UNC80: variants seen among roughly 807,000 people sequenced by gnomAD.
UNC80 encodes protein unc-80 homolog.
Under a neutral mutation model 384.6 loss-of-function variants are expected in UNC80, and 164 were observed. That is an observed-to-expected ratio of 0.43 (90% CI 0.38 to 0.49). The LOEUF is 0.49. Ranked by LOEUF, UNC80 falls within the 20% of genes least tolerant of loss-of-function variation. The pLI, the probability that UNC80 is intolerant of heterozygous loss-of-function variation, is 0.00. For synonymous variants in UNC80, 1,486 were observed against 1,527.8 expected (o/e 0.97, Z 0.64); for missense variants, 3,330 against 4,143.0 (o/e 0.80, Z 5.39).
chr2:209,984,998 T>G (rs904435329), intron 61 of UNC80, 86 bp downstream of exon 61: 1 of 1,205,474 alleles, frequency 8.3e-7, no homozygotes, highest in Non-Finnish European at 1.2e-6. Flanking sequence ...GTCTTCTCTG[T>G]CTCTTCTCGC....
intron 13 of UNC80, among the ~76,000 whole-genome samples, chr2:209,824,663 T>G (rs1301239152): frequency 6.6e-6 from 1 of 151,956 alleles, no homozygotes; most frequent in Non-Finnish European, 1.5e-5. Context: ...AATGCTGCAG[T>G]GCCAAGGGGA....
intron 61 of UNC80, 78 bp downstream of exon 61, chr2:209,984,990 C>T: frequency 7.9e-7 from 1 of 1,264,702 alleles, no homozygotes; most frequent in Non-Finnish European, 1.1e-6. Context: ...GTCTCTCTGT[C>T]TTCTCTGTCT....
Position 209,835,116 on chromosome 2 carries a change from T to C in UNC80, c.3041+106T>C, listed in dbSNP as rs551475763. 121 of 895,114 alleles carry C rather than the reference T, an allele frequency of 1.4e-4. No homozygotes were observed. In the African/African-American group the frequency reaches 2.0e-3, roughly 14 times the overall value. 55.4% of individuals were successfully genotyped at this position (895,114 alleles called of 1,614,324 possible). A position where few individuals can be genotyped will look rare whatever the true frequency, so the allele number is the denominator to read the frequency against. ...TTGTTTGTTTTTCATCTCCTTTGAA[T>C]TTTGCCTTGTTTCTACCCTTTACAT... On this transcript the variant is annotated intron_variant, in intron 18 of 64. Coordinates refer to ENST00000673920, the MANE Select transcript of UNC80 (RefSeq NM_001371986.1).
At chr2:209,993,515 A>C (rs2093429551) in intron 63 of UNC80, 89 bp downstream of exon 63, 1 of 1,069,526 alleles carries the variant, frequency 9.3e-7, no homozygotes, top group Admixed American at 2.2e-5. Context: ...AAGCTGATGG[A>C]GATAAGCACA....
chr2:209,775,912 A>G lies in UNC80; in HGVS notation c.165A>G (p.Glu55=). 6.2e-7 allele frequency: 1 copy of G among 1,614,096 alleles called. No individual in the cohort carries two copies. Among genetic ancestry groups the G allele is most frequent in the Non-Finnish European group, 8.5e-7 (1 of 1,180,018 alleles). Residue 55 remains glutamate, a synonymous_variant, in exon 3 of 65, where the codon GAA becomes GAG. Coordinates refer to ENST00000673920, the MANE Select transcript of UNC80 (RefSeq NM_001371986.1). ...AGTCCTTTGAGCGAGTGTTGGTAGA[A>G]AACAAGCTGCATGGCCTCTCTCCAG... ...SCVSFERVLV[E]NKLHGLSPAL... is the part of the protein sequence containing the mutation.
chr2:209,968,181 C>T (rs1395022792), intron 52 of UNC80: 1 of 152,250 alleles, frequency 6.6e-6, no homozygotes, highest in Non-Finnish European at 1.5e-5. Context: ...AATGCTTGAT[C>T]TTTGTTCAGT....
At chr2:209,901,853 C>T (rs992649762) in intron 28 of UNC80, among the ~76,000 whole-genome samples, 2 of 151,628 alleles carry the variant, frequency 1.3e-5, no homozygotes, top group African/African-American at 2.4e-5. Context: ...GGCATGAACC[C>T]GGGAGGCGAA....
chr2:209,900,689 G>A (rs2087298277), intron 28 of UNC80, among the ~76,000 whole-genome samples: 1 of 152,196 alleles, frequency 6.6e-6, no homozygotes, highest in Admixed American at 6.5e-5. Context: ...TATGTTGAAA[G>A]CCAAGATGCA....
intron 2 of UNC80, among the ~76,000 whole-genome samples, chr2:209,775,381 G>A (rs1021217633): frequency 6.6e-6 from 1 of 152,050 alleles, no homozygotes; most frequent in African/African-American, 2.4e-5. Flanking sequence ...GTTCTGTGCC[G>A]GGTCATTGCT....
chr2:209,965,077 G>A (rs1391754606), intron 51 of UNC80, among the ~76,000 whole-genome samples: 1 of 152,028 alleles, frequency 6.6e-6, no homozygotes, highest in Non-Finnish European at 1.5e-5. Flanking sequence ...TGTGATGCTT[G>A]GAATTTACTT....
intron 56 of UNC80, among the ~76,000 whole-genome samples, chr2:209,974,688 G>A (rs2092964982): frequency 6.6e-6 from 1 of 152,198 alleles, no homozygotes; most frequent in South Asian, 2.1e-4. Flanking sequence ...TCTCATTTTA[G>A]GAGTGAAGAG....
Position 209,995,462 on chromosome 2 carries a change from T to G in UNC80, c.9842T>G (p.Leu3281Arg). ...DFTGLETSSL[L>R]QHGDTVLHIS... is the part of the protein sequence containing the mutation. ...ACAGGCCTCGAGACATCCAGCCTCC[T>G]ACAGCATGGAGACACTGTCCTTCAT... The change falls in exon 65 of 65, where the codon CTA (leucine) becomes CGA (arginine). Residue 3281 changes from leucine (L) to arginine (R), a missense_variant. By Grantham distance (102) the Leu-to-Arg change is moderately radical (BLOSUM62 -2). This residue lies in a region of UNC80 where 236 missense variants were observed against 254.9 expected (regional missense o/e 0.93). Coordinates refer to ENST00000673920, the MANE Select transcript of UNC80 (RefSeq NM_001371986.1). 6.4e-7 allele frequency: 1 copy of G among 1,551,884 alleles called. No homozygotes were observed. The highest frequency in any genetic ancestry group is 1.4e-5 in the African/African-American group (1 of 73,174).
rs945593120 is a variant in UNC80 at position 209,995,733 on chromosome 2, G to T, written c.*138G>T. 1.6e-5 allele frequency: 16 copies of T among 1,010,876 alleles called. No individual in the cohort carries two copies. The highest frequency in any genetic ancestry group is 3.2e-4 in the Middle Eastern group (1 of 3,146). 62.6% of individuals were successfully genotyped at this position (1,010,876 alleles called of 1,614,324 possible). A position where few individuals can be genotyped will look rare whatever the true frequency, so the allele number is the denominator to read the frequency against. ...TAATGGGTGGCACAAATCTGAATAG[G>T]TTTTGCTGCCAATACACATGATGTT... is the stretch of plus-strand genomic sequence containing the variant. On this transcript the variant is annotated 3_prime_UTR_variant, in exon 65 of 65. Transcript: ENST00000673920.
chr2:209,800,201 G>T (rs1304341338), intron 7 of UNC80, among the ~76,000 whole-genome samples: 2 of 152,036 alleles, frequency 1.3e-5, no homozygotes, highest in East Asian at 1.9e-4. Context: ...GCTTTTTTTG[G>T]TTGGTAGGCT....
At chr2:209,809,493 C>G in intron 7 of UNC80, 1 of 1,263,538 alleles carries the variant, frequency 7.9e-7, no homozygotes, top group South Asian at 1.2e-5. Flanking sequence ...TCAAGAAGTA[C>G]CAGTGCCAGG....
chr2:209,863,666 C>G (rs1313794924), intron 22 of UNC80, among the ~76,000 whole-genome samples: 3 of 151,888 alleles, frequency 2.0e-5, no homozygotes, highest in Non-Finnish European at 4.4e-5. Flanking sequence ...AGTTCTCATA[C>G]TGTGTTTTTC....
In UNC80 at chr2:209,867,594, C is replaced by T. The variant is rs113323689; in HGVS notation, c.3628-5164C>T. Among the ~76,000 whole-genome samples, 116 of 152,270 alleles carry T rather than the reference C, an allele frequency of 7.6e-4. 1 individual carries two copies. Among genetic ancestry groups the T allele is most frequent in the African/African-American group, 2.6e-3 (110 of 41,558 alleles). ...GGGCAGATTTTTTCTTATTCATCCA[C>T]TGAGGGTGGCTCCTTCCTGAGATCC... On this transcript the variant is annotated intron_variant, in intron 22 of 64. Transcript: ENST00000673920.
chr2:209,802,395 A>G (rs2078621561), intron 7 of UNC80, among the ~76,000 whole-genome samples: 1 of 152,226 alleles, frequency 6.6e-6, no homozygotes, highest in African/African-American at 2.4e-5. Context: ...CATATATTAA[A>G]ACATCACATT....
chr2:209,939,402 G>A, intron 42 of UNC80, 70 bp from the exon 43 acceptor site: 1 of 1,407,706 alleles, frequency 7.1e-7, no homozygotes. Context: ...TTTTCCTTTA[G>A]TTTTTTCAGT....
Sources: gnomAD v4.1 joint callset for allele counts (sites outside exome capture counted in the v4.1 genomes callset) on GRCh38, gnomAD v4.1.1 for gene constraint, gnomAD v4.1.1 regional missense constraint, MANE v1.5 for transcripts, NCBI Gene and HGNC (gene_info 2026-07-23, HGNC 2026-07-21) for gene names.